Variants in PAPOLA observed in about 807,000 individuals in gnomAD.
PAPOLA encodes polynucleotide adenylyltransferase alpha.
A neutral mutation model predicts 100.6 loss-of-function variants in PAPOLA; 15 were observed. The ratio of observed to expected loss-of-function variants is 0.15; its 90% CI spans 0.10 to 0.23. PAPOLA has a LOEUF of 0.23. Among genes scored for constraint, PAPOLA ranks in the 10% least tolerant of loss-of-function variants. PAPOLA has a pLI of 1.00. For synonymous variants in PAPOLA, 293 were observed against 300.0 expected (o/e 0.98, Z 0.24); for missense variants, 533 against 884.2 (o/e 0.60, Z 5.04).
chr14:96,535,926 A>C lies in PAPOLA; in HGVS notation c.957A>C (p.Ala319=). Residue 319 remains alanine (A), a synonymous_variant, in exon 11 of 22, where the codon GCA becomes GCC. Transcript: ENST00000216277. ...RYHLMPIITP[A]YPQQNSTYNV... is the part of the protein sequence containing the mutation. ...ATCTTATGCCTATAATTACACCAGCATACCCACAACAGAACTCCACGTACA... is the reference window on the plus strand; with the variant it reads ...ATCTTATGCCTATAATTACACCAGCCTACCCACAACAGAACTCCACGTACA... 6.2e-7 allele frequency: 1 copy of C among 1,609,194 alleles called. No individual in the cohort carries two copies. Among genetic ancestry groups the C allele is most frequent in the Non-Finnish European group, 8.5e-7 (1 of 1,177,226 alleles).
At chr14:96,509,927 C>T (rs546996855) in intron 1 of PAPOLA, among the ~76,000 whole-genome samples, 17 of 148,168 alleles carry the variant, frequency 1.1e-4, no homozygotes, top group African/African-American at 4.0e-4. Flanking sequence ...GCCACTTAGA[C>T]GCCGCTTTGT....
At position 96,531,533 on chromosome 14, in the gene PAPOLA, G is replaced by A. The variant is rs1899015681; in HGVS notation, c.554G>A (p.Arg185Gln). The change falls in exon 7 of 22, where the codon CGA becomes CAA. Residue 185 changes from arginine to glutamine, a missense_variant. Transcript: ENST00000216277. Reference protein sequence around the residue: ...LQTIPEDLDLRDDSLLKNLDI... With the variant: ...LQTIPEDLDLQDDSLLKNLDI... ...ACAATTCCTGAAGATTTGGATCTAC[G>A]AGATGACAGTCTGCTAAAAAATTTA... 1 of 1,609,730 alleles carries A rather than the reference G, an allele frequency of 6.2e-7. No homozygotes were observed. The highest frequency in any genetic ancestry group is 8.5e-7 in the Non-Finnish European group (1 of 1,176,642).
At chr14:96,531,734 G>C in intron 7 of PAPOLA, 148 bp downstream of exon 7, 1 of 1,489,288 alleles carries the variant, frequency 6.7e-7, no homozygotes, top group Non-Finnish European at 8.9e-7. Flanking sequence ...ATAAACTACA[G>C]AAGAGTATGT....
intron 3 of PAPOLA, among the ~76,000 whole-genome samples, chr14:96,522,121 T>C (rs1293223538): frequency 6.3e-5 from 6 of 95,530 alleles, no homozygotes; most frequent in African/African-American, 2.2e-4. Flanking sequence ...TCTTTCTTTT[T>C]TTTTTTTTTT....
intron 3 of PAPOLA, among the ~76,000 whole-genome samples, chr14:96,524,817 G>T (rs1395947241): frequency 6.6e-6 from 1 of 152,172 alleles, no homozygotes; most frequent in African/African-American, 2.4e-5. Flanking sequence ...ACTGTGTGTG[G>T]CTACTATTGG....
chr14:96,525,144 A>T (rs1472999559), intron 3 of PAPOLA, among the ~76,000 whole-genome samples, 166 bp from the exon 4 acceptor site: 1 of 152,198 alleles, frequency 6.6e-6, no homozygotes. Context: ...AATATGATTG[A>T]TCTGAGGGGC....
intron 9 of PAPOLA, chr14:96,533,862 T>G (rs1899288570): frequency 1.0e-6 from 1 of 985,212 alleles, no homozygotes; most frequent in Non-Finnish European, 1.2e-6. Flanking sequence ...TGTCAGAATT[T>G]CTTTTAATGC....
At chr14:96,513,623 T>G (rs1897247568) in intron 1 of PAPOLA, among the ~76,000 whole-genome samples, 2 of 152,230 alleles carry the variant, frequency 1.3e-5, no homozygotes, top group Admixed American at 1.3e-4. Flanking sequence ...TCGTTTTTTT[T>G]ACACCATGGC....
intron 20 of PAPOLA, among the ~76,000 whole-genome samples, chr14:96,561,916 A>T (rs1003911283): frequency 6.9e-6 from 1 of 145,120 alleles, no homozygotes; most frequent in Non-Finnish European, 1.5e-5. Context: ...TTTTTTTGAG[A>T]TGGAGTCTTG....
intron 17 of PAPOLA, among the ~76,000 whole-genome samples, chr14:96,554,592 CTG>C (rs1901132326): frequency 6.6e-6 from 1 of 151,964 alleles, no homozygotes; most frequent in African/African-American, 2.4e-5. Flanking sequence ...GGTGATAGCT[CTG>C]AGAGAGAGAG....
intron 12 of PAPOLA, 101 bp downstream of exon 12, chr14:96,537,161 G>T (rs1899607904): frequency 1.5e-5 from 11 of 728,512 alleles, no homozygotes; most frequent in Middle Eastern, 2.5e-4. Flanking sequence ...GTTATTGGAA[G>T]AATTTTCTTT....
In PAPOLA at chr14:96,556,158, A is replaced by G. The variant is rs1483790582; in HGVS notation, c.1766-17A>G. On this transcript the variant is annotated splice_polypyrimidine_tract_variant and intron_variant, in intron 18 of 21. Transcript: ENST00000216277. ...TGGTTATTTTAATTTGTATATACTCATATATTTGCTGCTTAGGTACATCGA... is the reference window on the plus strand; with the variant it reads ...TGGTTATTTTAATTTGTATATACTCGTATATTTGCTGCTTAGGTACATCGA... 6.3e-7 allele frequency: 1 copy of G among 1,580,154 alleles called. No homozygotes were observed. Among genetic ancestry groups the G allele is most frequent in the Non-Finnish European group, 8.7e-7 (1 of 1,149,098 alleles).
intron 1 of PAPOLA, among the ~76,000 whole-genome samples, chr14:96,516,184 T>A (rs1897447498): frequency 6.6e-6 from 1 of 152,242 alleles, no homozygotes; most frequent in Non-Finnish European, 1.5e-5. Flanking sequence ...TTGAAACATC[T>A]GGGAGCCTGG....
intron 7 of PAPOLA, 110 bp from the exon 8 acceptor site, chr14:96,532,221 T>G: frequency 7.1e-7 from 1 of 1,413,092 alleles, no homozygotes; most frequent in Non-Finnish European, 9.2e-7. Context: ...TCTCAGAAAA[T>G]TTGGAAGCAT....
intron 10 of PAPOLA, chr14:96,535,379 A>G (rs1899426910): frequency 1.0e-6 from 1 of 979,806 alleles, no homozygotes; most frequent in Non-Finnish European, 1.2e-6. Context: ...AATTAACAGT[A>G]TATCATTTCA....
In PAPOLA at chr14:96,502,496, G is replaced by C; in HGVS notation, c.-97G>C. The stretch of plus-strand genomic sequence containing the variant: ...GGGGTTGGACCCAGGGCTGAGGCAG[G>C]CCCCCCCCTCCCTCCCGCCTCAGTG... On this transcript the variant is annotated 5_prime_UTR_variant, in exon 1 of 22. Coordinates refer to ENST00000216277, the MANE Select transcript of PAPOLA (RefSeq NM_032632.5). The C allele has an allele frequency of 5.2e-6, 5 of 958,940 alleles. No individual in the cohort carries two copies. Among genetic ancestry groups the C allele is most frequent in the South Asian group, 1.5e-5 (1 of 65,736 alleles). The allele number at this position is 958,940 out of a possible 1,614,324, so 59.4% of individuals were successfully genotyped here.
chr14:96,502,736 G>A, intron 1 of PAPOLA, 136 bp downstream of exon 1: 1 of 917,764 alleles, frequency 1.1e-6, no homozygotes, highest in Non-Finnish European at 1.6e-6. Flanking sequence ...CAGGACTGGG[G>A]ACCTTCCTGT....
At chr14:96,527,583 C>G (rs781322104) in intron 5 of PAPOLA, 44 bp downstream of exon 5, 1 of 1,027,904 alleles carries the variant, frequency 9.7e-7, no homozygotes, top group Non-Finnish European at 1.5e-6. Context: ...TATGAACATT[C>G]ATTTAGTCAG....
chr14:96,560,353 T>G (rs1299516327), intron 19 of PAPOLA: 1 of 227,298 alleles, frequency 4.4e-6, no homozygotes, highest in Admixed American at 5.6e-5. Flanking sequence ...TTTTTTTTTT[T>G]TCTTTTCCTT....
Sources: gnomAD v4.1 joint callset for allele counts (sites outside exome capture counted in the v4.1 genomes callset) on GRCh38, gnomAD v4.1.1 for gene constraint, MANE v1.5 for transcripts, NCBI Gene and HGNC (gene_info 2026-07-23, HGNC 2026-07-21) for gene names.